Variants in METTL9 observed in about 807,000 individuals in gnomAD.
METTL9 encodes the protein protein-L-histidine N-pros-methyltransferase.
A neutral mutation model predicts 36.0 loss-of-function variants in METTL9; 10 were observed. The observed-to-expected ratio is 0.28, with a 90% CI of 0.17 to 0.47. METTL9 has a LOEUF of 0.47. Among genes scored for constraint, METTL9 ranks in the 20% least tolerant of loss-of-function variants. The pLI, the probability that METTL9 is intolerant of heterozygous loss-of-function variation, is 0.99. For synonymous variants in METTL9, 175 were observed against 149.7 expected (o/e 1.17, Z -1.23); for missense variants, 246 against 383.5 (o/e 0.64, Z 3.00).
chr16:21,624,565 A>G (rs548477008), intron 3 of METTL9, among the ~76,000 whole-genome samples: 19 of 152,160 alleles, frequency 1.2e-4, no homozygotes, highest in Admixed American at 9.8e-4. Flanking sequence ...CGTCTCTACT[A>G]AAAACACAAA....
At chr16:21,622,082 T>A (rs531981427) in intron 3 of METTL9, among the ~76,000 whole-genome samples, 24 of 147,474 alleles carry the variant, frequency 1.6e-4, no homozygotes, top group African/African-American at 6.0e-4. Context: ...GCTCAGGCAA[T>A]CTGCCCGCTT....
intron 1 of METTL9, 112 bp from the exon 2 acceptor site, chr16:21,612,533 A>G (rs1201206370): frequency 6.1e-6 from 6 of 988,400 alleles, no homozygotes; most frequent in African/African-American, 3.4e-5. Flanking sequence ...AGATGGTAAT[A>G]TTTGGAAATC....
At chr16:21,601,525 G>T (rs1486143743) in intron 1 of METTL9, among the ~76,000 whole-genome samples, 5 of 152,072 alleles carry the variant, frequency 3.3e-5, no homozygotes, top group Admixed American at 6.6e-5. Flanking sequence ...GCTCATAAAA[G>T]AATTGCACTT....
chr16:21,649,866 G>A (rs1001082661), intron 4 of METTL9, among the ~76,000 whole-genome samples: 3 of 151,978 alleles, frequency 2.0e-5, no homozygotes, highest in African/African-American at 2.4e-5. Context: ...GCACCACCAC[G>A]CCTGGCTAAT....
chr16:21,609,619 A>G (rs1965380262), intron 1 of METTL9, among the ~76,000 whole-genome samples: 1 of 152,048 alleles, frequency 6.6e-6, no homozygotes, highest in Non-Finnish European at 1.5e-5. Context: ...TGGGGGGCAG[A>G]GCAAATACCA....
intron 1 of METTL9, among the ~76,000 whole-genome samples, chr16:21,609,385 G>A (rs1965371144): frequency 6.6e-6 from 1 of 152,126 alleles, no homozygotes; most frequent in African/African-American, 2.4e-5. Flanking sequence ...GTCTACCTGG[G>A]AAGATAGGCA....
chr16:21,617,853 T>C lies in METTL9; in HGVS notation c.357-12T>C. Reference sequence around the variant, plus strand: ...CATAGACACTTCCATTTTTGTCCTTTTTTTCTTTCAGGTTGCTAGGAAGAG... The same window carrying C: ...CATAGACACTTCCATTTTTGTCCTTCTTTTCTTTCAGGTTGCTAGGAAGAG... On this transcript the variant is annotated splice_polypyrimidine_tract_variant and intron_variant, in intron 2 of 4. Transcript: ENST00000358154. 1.2e-6 allele frequency: 2 copies of C among 1,612,894 alleles called. No individual in the cohort carries two copies. The highest frequency in any genetic ancestry group is 1.1e-5 in the South Asian group (1 of 91,048).
In METTL9 at chr16:21,655,561, A is replaced by C; in HGVS notation, c.*129A>C. ...CATTCTAAATATCATGTAGGAATTTAAAAAGCCAAAATACTAATTATTTCT... is the reference window on the plus strand; with the variant it reads ...CATTCTAAATATCATGTAGGAATTTCAAAAGCCAAAATACTAATTATTTCT... On this transcript the variant is annotated 3_prime_UTR_variant, in exon 5 of 5. Transcript: ENST00000358154. 2 of 756,644 alleles carry C rather than the reference A, an allele frequency of 2.6e-6. No individual in the cohort carries two copies. Among genetic ancestry groups the C allele is most frequent in the Non-Finnish European group, 4.2e-6 (2 of 470,724 alleles). The allele number at this position is 756,644 out of a possible 1,614,324, so 46.9% of individuals were successfully genotyped here. A position where few individuals can be genotyped will look rare whatever the true frequency, so the allele number is the denominator to read the frequency against.
chr16:21,639,266 T>C (rs1487942177), intron 4 of METTL9, among the ~76,000 whole-genome samples: 1 of 151,802 alleles, frequency 6.6e-6, no homozygotes, highest in African/African-American at 2.4e-5. Context: ...TGAAACACGG[T>C]CCTTGCTTAC....
intron 4 of METTL9, chr16:21,627,098 T>A: frequency 2.0e-6 from 2 of 985,384 alleles, no homozygotes; most frequent in Non-Finnish European, 2.4e-6. Context: ...ATGGGTGACT[T>A]TTAGTGACCT....
At chr16:21,643,435 A>T (rs1966330512) in intron 4 of METTL9, 1 of 702,590 alleles carries the variant, frequency 1.4e-6, no homozygotes, top group African/African-American at 1.8e-5. Flanking sequence ...AGTTACCTTG[A>T]TATTCTGTTT....
chr16:21,637,755 C>G (rs1344245190), intron 4 of METTL9, among the ~76,000 whole-genome samples: 2 of 152,252 alleles, frequency 1.3e-5, no homozygotes, highest in South Asian at 2.1e-4. Context: ...CTCCACACTT[C>G]CCCGCGAGCA....
intron 2 of METTL9, among the ~76,000 whole-genome samples, chr16:21,617,254 T>C (rs748399794): frequency 8.6e-5 from 13 of 150,552 alleles, no homozygotes; most frequent in Non-Finnish European, 1.8e-4. Flanking sequence ...CCTTCTCTAC[T>C]AAAAATCCAA....
chr16:21,637,163 C>T (rs953494421), intron 4 of METTL9, among the ~76,000 whole-genome samples: 6 of 152,156 alleles, frequency 3.9e-5, no homozygotes, highest in African/African-American at 1.4e-4. Context: ...GCTTTTATTC[C>T]CTTATCTGGC....
At chr16:21,653,576 G>C (rs1315990133) in intron 4 of METTL9, 1 of 152,242 alleles carries the variant, frequency 6.6e-6, no homozygotes, top group Admixed American at 6.6e-5. Context: ...TCTTGTGTGG[G>C]GTCCACAGCC....
intron 4 of METTL9, among the ~76,000 whole-genome samples, chr16:21,629,991 C>T (rs955442252): frequency 1.5e-4 from 23 of 152,166 alleles, no homozygotes; most frequent in African/African-American, 4.8e-4. Context: ...AGACACAGAA[C>T]GCTGACTGGT....
At chr16:21,615,016 C>T (rs1307571805) in intron 2 of METTL9, among the ~76,000 whole-genome samples, 1 of 152,176 alleles carries the variant, frequency 6.6e-6, no homozygotes, top group East Asian at 1.9e-4. Flanking sequence ...GCCTTGCCCA[C>T]TAAATGGCAG....
Position 21,655,805 on chromosome 16 carries a change from T to G in METTL9, c.*373T>G, listed in dbSNP as rs1966694694. On this transcript the variant is annotated 3_prime_UTR_variant, in exon 5 of 5. Coordinates refer to ENST00000358154, the MANE Select transcript of METTL9 (RefSeq NM_016025.5). ...TGGATTGTTTTTTGAAGACTGGCAA[T>G]AAAGCTGTCCATTCAATTCCAAATA... 1 of 179,240 alleles carries G rather than the reference T, an allele frequency of 5.6e-6. No individual in the cohort carries two copies. 11.1% of individuals were successfully genotyped at this position (179,240 alleles called of 1,614,324 possible).
intron 3 of METTL9, among the ~76,000 whole-genome samples, chr16:21,620,483 G>A (rs1265886873): frequency 6.6e-6 from 1 of 152,164 alleles, no homozygotes; most frequent in Non-Finnish European, 1.5e-5. Flanking sequence ...AGAGGAAGGT[G>A]TTAAACCCAT....
Sources: gnomAD v4.1 joint callset for allele counts (sites outside exome capture counted in the v4.1 genomes callset) on GRCh38, gnomAD v4.1.1 for gene constraint, MANE v1.5 for transcripts, NCBI Gene and HGNC (gene_info 2026-07-23, HGNC 2026-07-21) for gene names.